WNT9A: variants seen among roughly 807,000 people sequenced by gnomAD.
The protein encoded by WNT9A is Wnt family member 9A.
WNT9A carries 8 observed loss-of-function variants against 31.4 expected under a neutral mutation model. That is an observed-to-expected ratio of 0.26 (90% CI 0.15 to 0.46). The LOEUF (loss-of-function observed/expected upper bound fraction) is 0.46, where lower values mean the gene tolerates loss of function less well. WNT9A is among the 20% of genes least tolerant of loss of function. The pLI is 0.99. For missense variants in WNT9A, 457 were observed against 522.9 expected, an observed-to-expected ratio of 0.87 and a Z score of 1.23; for synonymous variants, 236 against 220.1, an observed-to-expected ratio of 1.07 and a Z score of -0.64.
At chr1:227,943,320 C>T (rs1029156277) in intron 1 of WNT9A, among the ~76,000 whole-genome samples, 1 of 152,220 alleles carries the variant, frequency 6.6e-6, no homozygotes, top group African/African-American at 2.4e-5. Context: ...CGCCCACAGG[C>T]TCACAGGTCT....
At chr1:227,945,352 A>G (rs1666777928) in intron 1 of WNT9A, among the ~76,000 whole-genome samples, 1 of 152,118 alleles carries the variant, frequency 6.6e-6, no homozygotes, top group African/African-American at 2.4e-5. Context: ...GCCACCTGCT[A>G]GCCAGGCCAA....
In WNT9A at chr1:227,920,414, G is replaced by A. The variant is rs1218783844; in HGVS notation, c.*1104C>T. 3.3e-5 allele frequency: 5 copies of A among 151,860 alleles called. No homozygotes were observed. The highest frequency in any genetic ancestry group is 3.9e-4 in the East Asian group (2 of 5,156). The allele number at this position is 151,860 out of a possible 1,614,324, so 9.4% of individuals were successfully genotyped here. ...TGGCCGAGAGCGGGGAGCTGCAGCC[G>A]GGGAGGTGGCAGGGATGGAGAAAAT... is the stretch of plus-strand genomic sequence containing the variant. On this transcript the variant is annotated 3_prime_UTR_variant, in exon 4 of 4. Transcript: ENST00000272164.
intron 1 of WNT9A, among the ~76,000 whole-genome samples, chr1:227,945,845 G>C (rs1666786108): frequency 6.6e-6 from 1 of 152,128 alleles, no homozygotes; most frequent in Middle Eastern, 3.2e-3. Flanking sequence ...CTGACTTACA[G>C]GGGGCCCAAG....
At chr1:227,936,907 C>G (rs1666604224) in intron 1 of WNT9A, among the ~76,000 whole-genome samples, 1 of 152,188 alleles carries the variant, frequency 6.6e-6, no homozygotes, top group Admixed American at 6.5e-5. Flanking sequence ...GGAAAACTCT[C>G]ATCCTCTCCC....
chr1:227,929,903 C>T (rs1666479173), intron 1 of WNT9A, among the ~76,000 whole-genome samples: 1 of 152,190 alleles, frequency 6.6e-6, no homozygotes, highest in South Asian at 2.1e-4. Flanking sequence ...AGGAAGTGAC[C>T]TCACCAGACA....
chr1:227,933,801 A>T (rs1454278644), intron 1 of WNT9A, among the ~76,000 whole-genome samples: 2 of 152,186 alleles, frequency 1.3e-5, no homozygotes, highest in East Asian at 3.9e-4. Flanking sequence ...CCACTGCAAG[A>T]TTCGCTGTGA....
rs763099166 is a variant in WNT9A at position 227,921,295 on chromosome 1, C to T, written c.*223G>A. The T allele has an allele frequency of 1.1e-5, 7 of 631,504 alleles. No individual in the cohort carries two copies. The highest frequency in any genetic ancestry group is 1.8e-5 in the Non-Finnish European group (7 of 380,098). The allele number at this position is 631,504 out of a possible 1,614,324, so 39.1% of individuals were successfully genotyped here. A position where few individuals can be genotyped will look rare whatever the true frequency, so the allele number is the denominator to read the frequency against. Reference sequence around the variant, plus strand: ...TTCATGCTCTGTGCAATGCCTGCACCCCATGCAGCTAGGACTGAGCCCAGG... The same window carrying T: ...TTCATGCTCTGTGCAATGCCTGCACTCCATGCAGCTAGGACTGAGCCCAGG... On this transcript the variant is annotated 3_prime_UTR_variant, in exon 4 of 4. Coordinates refer to ENST00000272164, the MANE Select transcript of WNT9A (RefSeq NM_003395.4).
At chr1:227,922,092 A>C in intron 3 of WNT9A, 92 bp from the exon 4 acceptor site, 1 of 1,499,696 alleles carries the variant, frequency 6.7e-7, no homozygotes, top group Non-Finnish European at 8.9e-7. Context: ...GAGGGACCCC[A>C]CACCCCCACC....
intron 3 of WNT9A, 34 bp downstream of exon 3, chr1:227,924,104 T>TC: frequency 4.0e-6 from 2 of 500,892 alleles, no homozygotes; most frequent in South Asian, 3.6e-5. Context: ...TTTCTGACCC[T>TC]CCCTTCCCAC....
intron 1 of WNT9A, among the ~76,000 whole-genome samples, chr1:227,933,095 ATCT>A (rs1666539061): frequency 6.6e-6 from 1 of 152,236 alleles, no homozygotes. Flanking sequence ...CCCAGATGAC[ATCT>A]TCTTTCAGTA....
intron 1 of WNT9A, among the ~76,000 whole-genome samples, chr1:227,941,916 G>A (rs962477691): frequency 5.9e-5 from 9 of 152,120 alleles, no homozygotes; most frequent in Non-Finnish European, 1.2e-4. Context: ...CTGTCAACAG[G>A]TGTCGCTTTC....
At chr1:227,933,206 C>T (rs1426778977) in intron 1 of WNT9A, among the ~76,000 whole-genome samples, 1 of 152,222 alleles carries the variant, frequency 6.6e-6, no homozygotes, top group Non-Finnish European at 1.5e-5. Context: ...GCAGTGTCTC[C>T]ACCAGCTCTT....
At chr1:227,927,240 C>T (rs756410552) in intron 1 of WNT9A, among the ~76,000 whole-genome samples, 8 of 152,062 alleles carry the variant, frequency 5.3e-5, no homozygotes, top group African/African-American at 1.2e-4. Flanking sequence ...GAGGCCATGC[C>T]CAGGATTCAG....
chr1:227,927,457 G>C (rs1666437900), intron 1 of WNT9A, among the ~76,000 whole-genome samples: 1 of 152,182 alleles, frequency 6.6e-6, no homozygotes, highest in Non-Finnish European at 1.5e-5. Context: ...AGGGAAGGAA[G>C]GGCAGTGCAG....
chr1:227,942,453 T>A lies in WNT9A; in HGVS notation c.95+5340A>T, dbSNP rs1420342039. 6.6e-6 allele frequency among the ~76,000 whole-genome samples: 1 copy of A among 152,002 alleles called. No homozygotes were observed. Among genetic ancestry groups the A allele is most frequent in the East Asian group, 1.9e-4 (1 of 5,156 alleles). On this transcript the variant is annotated intron_variant, in intron 1 of 3. Coordinates refer to ENST00000272164, the MANE Select transcript of WNT9A (RefSeq NM_003395.4). This position sits in a 1 kb window ranked among gnomAD's most constrained non-coding sequence, Gnocchi z 5.7. ...CTGTCAGGGAAGCCAAGCACCTGGG[T>A]CCCTCTACTGGCCACGGGGTCCCAG...
intron 3 of WNT9A, 77 bp downstream of exon 3, chr1:227,924,061 G>A: frequency 4.3e-4 from 49 of 114,676 alleles, no homozygotes; most frequent in South Asian, 2.7e-3. Flanking sequence ...CCCGCCCCCA[G>A]TCCCACGCCC....
intron 1 of WNT9A, among the ~76,000 whole-genome samples, chr1:227,931,210 T>C (rs1231809078): frequency 6.6e-6 from 1 of 152,096 alleles, no homozygotes; most frequent in Non-Finnish European, 1.5e-5. Context: ...CAATGTTCTG[T>C]GGAAGTTTGT....
Position 227,921,759 on chromosome 1 carries a change from G to A in WNT9A, c.857C>T (p.Thr286Ile), listed in dbSNP as rs763176331. 10 of 1,612,366 alleles carry A rather than the reference G, an allele frequency of 6.2e-6. No homozygotes were observed. The highest frequency in any genetic ancestry group is 8.5e-6 in the Non-Finnish European group (10 of 1,179,750). ...GAGGSDPLPRTPELVHLDDSP... is the reference protein window; with the variant it reads ...GAGGSDPLPRIPELVHLDDSP... ...GTCATCCAGGTGCACCAGCTCTGGA[G>A]TGCGGGGCAGCGGGTCGCTGCCACC... Residue 286 changes from threonine (T) to isoleucine (I), a missense_variant, in exon 4 of 4, where the codon ACT (threonine) becomes ATT (isoleucine). Coordinates refer to ENST00000272164, the MANE Select transcript of WNT9A (RefSeq NM_003395.4).
intron 1 of WNT9A, among the ~76,000 whole-genome samples, chr1:227,927,914 G>A (rs890062352): frequency 6.6e-6 from 1 of 151,970 alleles, no homozygotes; most frequent in Non-Finnish European, 1.5e-5. Context: ...AAGAAGATGG[G>A]GAGGGGAAAA....
Sources: allele counts gnomAD v4.1 joint callset (sites outside exome capture counted in the v4.1 genomes callset), GRCh38; gene constraint gnomAD v4.1.1; non-coding constraint Gnocchi (gnomAD v3.1); transcripts MANE v1.5; gene names NCBI Gene and HGNC (gene_info 2026-07-23, HGNC 2026-07-21).